SAXO1: variants seen among roughly 807,000 people sequenced by gnomAD.
SAXO1 encodes 4930500O09Rik.
A neutral mutation model predicts 17.5 loss-of-function variants in SAXO1; 21 were observed. The observed-to-expected ratio is 1.20, with a 90% CI of 0.85 to 1.72. SAXO1 has a LOEUF of 1.72. Among genes scored for constraint, SAXO1 ranks in the 40% most tolerant of loss-of-function variants. SAXO1 has a pLI of 0.00. For missense variants in SAXO1, 843 were observed against 596.0 expected, an observed-to-expected ratio of 1.41 and a Z score of -4.32; for synonymous variants, 274 against 216.5, an observed-to-expected ratio of 1.27 and a Z score of -2.33.
At chr9:19,010,802 G>A (rs896746675) in intron 1 of SAXO1, among the ~76,000 whole-genome samples, 2 of 152,150 alleles carry the variant, frequency 1.3e-5, no homozygotes, top group African/African-American at 2.4e-5. Flanking sequence ...GTGAGGAGGG[G>A]AAACCTTTCC....
At chr9:18,958,518 A>G (rs1287076120) in intron 1 of SAXO1, among the ~76,000 whole-genome samples, 2 of 152,136 alleles carry the variant, frequency 1.3e-5, no homozygotes, top group African/African-American at 4.8e-5. Context: ...CCCCTGAAGT[A>G]TAAGTCAGAG....
intron 1 of SAXO1, among the ~76,000 whole-genome samples, chr9:19,004,426 T>C (rs566790492): frequency 1.3e-5 from 2 of 152,364 alleles, no homozygotes; most frequent in East Asian, 1.9e-4. Context: ...TATATGTTTA[T>C]TGCGGCACTA....
At chr9:18,991,805 A>G (rs539907215) in intron 1 of SAXO1, among the ~76,000 whole-genome samples, 1 of 152,334 alleles carries the variant, frequency 6.6e-6, no homozygotes, top group Non-Finnish European at 1.5e-5. Flanking sequence ...GCCAGTCCAC[A>G]GAAAAATTGG....
chr9:18,941,462 C>T lies in SAXO1; in HGVS notation c.421+175G>A, dbSNP rs998300274. ...GTTTTTCAATTATTAAAAAAAAATG[C>T]TTAACTCTTCTTAGCTCTCCAGCTA... is the stretch of plus-strand genomic sequence containing the variant. On this transcript the variant is annotated intron_variant, in intron 3 of 3. Transcript: ENST00000380534. Among the ~76,000 whole-genome samples the T allele has an allele frequency of 2.6e-5, 4 of 152,106 alleles. No homozygotes were observed. In the South Asian group the frequency reaches 6.2e-4, roughly 24 times the overall value.
At chr9:18,992,430 C>G (rs1272086405) in intron 1 of SAXO1, among the ~76,000 whole-genome samples, 1 of 152,208 alleles carries the variant, frequency 6.6e-6, no homozygotes, top group South Asian at 2.1e-4. Flanking sequence ...AAGGATGCTA[C>G]TCATGCTGGA....
Position 18,928,594 on chromosome 9 carries a change from C to G in SAXO1, c.883G>C (p.Val295Leu). ...AGATCCATCCTGTCTTCGGGAGGGACGTAGGTGATGGGAGCTTTGGAGAAC... is the reference window on the plus strand; with the variant it reads ...AGATCCATCCTGTCTTCGGGAGGGAGGTAGGTGATGGGAGCTTTGGAGAAC... Reference protein sequence around the residue: ...RMFSKAPITYVPPEDRMDLLT... With the variant: ...RMFSKAPITYLPPEDRMDLLT... Residue 295 changes from valine to leucine, a missense_variant, in exon 4 of 4, where the codon GTC becomes CTC. Val to Leu is a conservative substitution (Grantham distance 32). Transcript: ENST00000380534. The G allele has an allele frequency of 6.2e-7, 1 of 1,614,026 alleles. No individual in the cohort carries two copies. Among genetic ancestry groups the G allele is most frequent in the Non-Finnish European group, 8.5e-7 (1 of 1,180,000 alleles).
At chr9:18,930,466 A>AC (rs1274059771) in intron 3 of SAXO1, among the ~76,000 whole-genome samples, 1 of 151,660 alleles carries the variant, frequency 6.6e-6, no homozygotes, top group African/African-American at 2.4e-5. Flanking sequence ...GGGATGACAA[A>AC]CCATGTGATT....
intron 1 of SAXO1, among the ~76,000 whole-genome samples, chr9:18,964,916 C>A (rs1832652496): frequency 6.6e-6 from 1 of 152,228 alleles, no homozygotes; most frequent in Non-Finnish European, 1.5e-5. Flanking sequence ...TCCCTCTACA[C>A]ACTGCTTTAG....
chr9:18,935,555 G>C (rs1016053193), intron 3 of SAXO1, among the ~76,000 whole-genome samples: 1 of 152,116 alleles, frequency 6.6e-6, no homozygotes, highest in Non-Finnish European at 1.5e-5. Flanking sequence ...ATGATGAGTT[G>C]ATAGATGGGT....
At chr9:18,937,397 G>T (rs947602676) in intron 3 of SAXO1, among the ~76,000 whole-genome samples, 11 of 152,182 alleles carry the variant, frequency 7.2e-5, no homozygotes, top group African/African-American at 2.7e-4. Context: ...ACACTTTGTT[G>T]TGTCATTCCC....
chr9:18,996,722 C>A (rs971792452), intron 1 of SAXO1, among the ~76,000 whole-genome samples: 1 of 152,132 alleles, frequency 6.6e-6, no homozygotes, highest in African/African-American at 2.4e-5. Context: ...GAAAAACTCA[C>A]AGTGAACATC....
chr9:19,026,788 T>C, intron 1 of SAXO1: 2 of 477,108 alleles, frequency 4.2e-6, no homozygotes, highest in Non-Finnish European at 7.9e-6. Flanking sequence ...CTGAGCACTT[T>C]GGGAGGCTGA....
intron 1 of SAXO1, among the ~76,000 whole-genome samples, chr9:18,981,128 C>T (rs1306029420): frequency 6.6e-6 from 1 of 152,164 alleles, no homozygotes; most frequent in Non-Finnish European, 1.5e-5. Flanking sequence ...AAGACCTCTG[C>T]AAGAAATCAC....
At chr9:18,981,367 G>C (rs1198538611) in intron 1 of SAXO1, among the ~76,000 whole-genome samples, 1 of 152,196 alleles carries the variant, frequency 6.6e-6, no homozygotes, top group East Asian at 1.9e-4. Context: ...ACTGAGGCAA[G>C]TGATTTATCT....
At chr9:19,010,596 G>C (rs1411956318) in intron 1 of SAXO1, among the ~76,000 whole-genome samples, 1 of 152,042 alleles carries the variant, frequency 6.6e-6, no homozygotes, top group African/African-American at 2.4e-5. Flanking sequence ...GTTAGTCCTG[G>C]TAAAGGCCCT....
chr9:18,955,765 C>G (rs1374680548), intron 1 of SAXO1, among the ~76,000 whole-genome samples: 1 of 152,034 alleles, frequency 6.6e-6, no homozygotes, highest in African/African-American at 2.4e-5. Flanking sequence ...TCACTTTTCT[C>G]TGTCTTCAAG....
intron 1 of SAXO1, among the ~76,000 whole-genome samples, chr9:18,992,544 C>CT (rs1271133764): frequency 2.0e-5 from 3 of 152,112 alleles, no homozygotes; most frequent in Non-Finnish European, 4.4e-5. Context: ...ACTTCAAAAT[C>CT]TTTTGAGGTG....
intron 1 of SAXO1, among the ~76,000 whole-genome samples, chr9:18,993,814 C>T (rs544307788): frequency 6.6e-6 from 1 of 152,182 alleles, no homozygotes; most frequent in African/African-American, 2.4e-5. Flanking sequence ...CCTATGCCAT[C>T]AATATCATCC....
intron 3 of SAXO1, among the ~76,000 whole-genome samples, 196 bp from the exon 4 acceptor site, chr9:18,929,251 A>T (rs1830929430): frequency 6.6e-6 from 1 of 152,228 alleles, no homozygotes; most frequent in African/African-American, 2.4e-5. Context: ...GGCAGAAGAG[A>T]CAAATCTACA....
Sources: gnomAD v4.1 joint callset for allele counts (sites outside exome capture counted in the v4.1 genomes callset) on GRCh38, gnomAD v4.1.1 for gene constraint, MANE v1.5 for transcripts, NCBI Gene and HGNC (gene_info 2026-07-23, HGNC 2026-07-21) for gene names.